Variants in SLC45A3 observed in about 807,000 individuals in gnomAD.
The protein encoded by SLC45A3 is prostate cancer associated protein 2.
A neutral mutation model predicts 35.3 loss-of-function variants in SLC45A3; 17 were observed. The ratio of observed to expected loss-of-function variants is 0.48; its 90% confidence interval spans 0.33 to 0.72. The LOEUF is 0.72. Ranked by LOEUF, SLC45A3 falls within the 30% of genes least tolerant of loss-of-function variation. The pLI is 0.02. For missense variants in SLC45A3, 597 were observed against 731.7 expected (o/e 0.82, Z 2.12); for synonymous variants, 288 against 334.3 (o/e 0.86, Z 1.51).
Position 205,659,116 on chromosome 1 carries a change from A to C in SLC45A3, c.*118T>G, listed in dbSNP as rs1670971025. The C allele has an allele frequency of 1.8e-6, 2 of 1,083,558 alleles. No homozygotes were observed. Among genetic ancestry groups the C allele is most frequent in the East Asian group, 2.5e-5 (1 of 40,650 alleles). The allele number at this position is 1,083,558 out of a possible 1,614,324, so 67.1% of individuals were successfully genotyped here. The stretch of plus-strand genomic sequence containing the variant: ...CAGCACAGGGTGGCAGCAGAGAGCC[A>C]CATTACTTTGGCAGCAACAGAAACT... On this transcript the variant is annotated 3_prime_UTR_variant, in exon 5 of 5. Coordinates refer to ENST00000367145, the MANE Select transcript of SLC45A3 (RefSeq NM_033102.3). This position sits in a 1 kb window ranked among gnomAD's most constrained non-coding sequence, Gnocchi z 5.8.
At chr1:205,661,201 G>A (rs1289997337) in intron 4 of SLC45A3, among the ~76,000 whole-genome samples, 1 of 152,124 alleles carries the variant, frequency 6.6e-6, no homozygotes, top group Non-Finnish European at 1.5e-5. Context: ...GTTAGTGTAG[G>A]GCCAACCAAG....
Position 205,669,869 on chromosome 1 carries a change from C to T in SLC45A3, c.-230-4983G>A, listed in dbSNP as rs1367726152. Among the ~76,000 whole-genome samples the T allele has an allele frequency of 1.3e-5, 2 of 151,908 alleles. No homozygotes were observed. The highest frequency in any genetic ancestry group is 2.9e-5 in the Non-Finnish European group (2 of 67,878). ...TGGGCCAACCTCCCGGACACACACC[C>T]CACCAAGGCTGCCCTGCCCCAGGTC... On this transcript the variant is annotated intron_variant, in intron 1 of 4. Coordinates refer to ENST00000367145, the MANE Select transcript of SLC45A3 (RefSeq NM_033102.3). This position sits in a 1 kb window ranked among gnomAD's most constrained non-coding sequence, Gnocchi z 4.1.
Position 205,659,359 on chromosome 1 carries a change from T to C in SLC45A3, c.1537A>G (p.Ile513Val). ...GTGACAGACTGGCTGAGCTGGACAA[T>C]GGAGCCCATAAACAGGGATGGGGCC... Reference protein sequence around the residue: ...QVAPSLFMGSIVQLSQSVTAY... With the variant: ...QVAPSLFMGSVVQLSQSVTAY... The change falls in exon 5 of 5, where the codon ATT (isoleucine) becomes GTT (valine). Residue 513 changes from isoleucine to valine, a missense_variant. Around this residue, in one of 3 missense-constraint regions of SLC45A3, gnomAD observed 555 missense variants for 664.9 expected, o/e 0.83. Transcript: ENST00000367145. This position sits in a 1 kb window ranked among gnomAD's most constrained non-coding sequence, Gnocchi z 5.8. The C allele has an allele frequency of 6.2e-7, 1 of 1,614,104 alleles. No individual in the cohort carries two copies. Among genetic ancestry groups the C allele is most frequent in the Non-Finnish European group, 8.5e-7 (1 of 1,180,018 alleles).
rs774562064 is a variant in SLC45A3, at chr1:205,661,957, G to A, written c.1128C>T (p.Ala376=). 27 of 1,614,046 alleles carry A rather than the reference G, an allele frequency of 1.7e-5. 1 individual carries two copies. The highest frequency in any genetic ancestry group is 4.5e-5 in the East Asian group (2 of 44,894). ...AGATCLSHSV[A]VVTASAALTG... is the part of the protein sequence containing the mutation. Reference sequence around the variant, plus strand: ...TGAGGGCGGCTGAAGCTGTCACCACGGCCACACTGTGGGACAGGCATGTGG... The same window carrying A: ...TGAGGGCGGCTGAAGCTGTCACCACAGCCACACTGTGGGACAGGCATGTGG... Residue 376 remains alanine (A), a synonymous_variant, in exon 4 of 5, where the codon GCC becomes GCT. Coordinates refer to ENST00000367145, the MANE Select transcript of SLC45A3 (RefSeq NM_033102.3).
rs200709431 is a variant in SLC45A3 at position 205,663,324 on chromosome 1, T to C, written c.467A>G (p.His156Arg). The change falls in exon 3 of 5, where the codon CAC becomes CGC. Residue 156 changes from histidine (H) to arginine (R), a missense_variant. Around this residue, in one of 3 missense-constraint regions of SLC45A3, gnomAD observed 555 missense variants for 664.9 expected, o/e 0.83. Coordinates refer to ENST00000367145, the MANE Select transcript of SLC45A3 (RefSeq NM_033102.3). ...ATAGACAGAGTAGGCCTGGCGACAGTGGTCCGGGTCCCGGAAGAGGTCAGA... is the reference window on the plus strand; with the variant it reads ...ATAGACAGAGTAGGCCTGGCGACAGCGGTCCGGGTCCCGGAAGAGGTCAGA... Reference protein sequence around the residue: ...LLSDLFRDPDHCRQAYSVYAF... With the variant: ...LLSDLFRDPDRCRQAYSVYAF... 6.2e-7 allele frequency: 1 copy of C among 1,613,242 alleles called. No individual in the cohort carries two copies. The highest frequency in any genetic ancestry group is 2.2e-5 in the East Asian group (1 of 44,852).
intron 1 of SLC45A3, among the ~76,000 whole-genome samples, 192 bp downstream of exon 1, chr1:205,680,202 G>A (rs1470435890): frequency 1.3e-4 from 20 of 151,846 alleles, no homozygotes; most frequent in Non-Finnish European, 4.4e-5. Context: ...CACCCGCCCC[G>A]GCAGAGCGTG....
chr1:205,670,325 A>C (rs1224109389), intron 1 of SLC45A3, among the ~76,000 whole-genome samples: 1 of 152,126 alleles, frequency 6.6e-6, no homozygotes, highest in Non-Finnish European at 1.5e-5. Flanking sequence ...CAACCCACTC[A>C]GTCTTTGATT....
At position 205,659,648 on chromosome 1, in the gene SLC45A3, C is replaced by T. The variant is rs1234047084; in HGVS notation, c.1248G>A (p.Gly416=). 1.7e-5 allele frequency: 26 copies of T among 1,528,908 alleles called. No individual in the cohort carries two copies. The highest frequency in any genetic ancestry group is 2.3e-5 in the Non-Finnish European group (26 of 1,140,530). 94.7% of individuals were successfully genotyped at this position (1,528,908 alleles called of 1,614,324 possible). ...EKQVFLPKYR[G]DTGGASSEDS... ...CCTCACTGCTAGCACCTCCAGTGTC[C>T]CCTCGGTATTTGGGCAGGAACACCT... Residue 416 remains glycine (G), a synonymous_variant, in exon 5 of 5, where the codon GGG becomes GGA. Transcript: ENST00000367145. The surrounding 1 kb of genome is among the most constrained non-coding windows in gnomAD (Gnocchi z 5.8).
Position 205,659,182 on chromosome 1 carries a change from G to T in SLC45A3, c.*52C>A. 1.9e-6 allele frequency: 3 copies of T among 1,543,116 alleles called. No homozygotes were observed. The highest frequency in any genetic ancestry group is 2.6e-6 in the Non-Finnish European group (3 of 1,139,828). On this transcript the variant is annotated 3_prime_UTR_variant, in exon 5 of 5. Transcript: ENST00000367145. This position sits in a 1 kb window ranked among gnomAD's most constrained non-coding sequence, Gnocchi z 5.8. ...AGCCCCATGGGGCTAACAGGAGCGG[G>T]GAGCTGGGACCCAGTGAGGCAGGCC... is the stretch of plus-strand genomic sequence containing the variant.
intron 1 of SLC45A3, among the ~76,000 whole-genome samples, chr1:205,677,639 C>T (rs1671333474): frequency 6.6e-6 from 1 of 152,146 alleles, no homozygotes; most frequent in South Asian, 2.1e-4. Flanking sequence ...GACCTTGCTA[C>T]CAAAGAAATA....
Position 205,664,950 on chromosome 1 carries a change from T to G in SLC45A3, c.-230-64A>C. On this transcript the variant is annotated intron_variant, in intron 1 of 4. Coordinates refer to ENST00000367145, the MANE Select transcript of SLC45A3 (RefSeq NM_033102.3). This position sits in a 1 kb window ranked among gnomAD's most constrained non-coding sequence, Gnocchi z 5.3. Reference sequence around the variant, plus strand: ...AGTCCTGGGAGCCAGGTCTCCACGATTTGCTCTAAATTGTCTGGATCCTGA... The same window carrying G: ...AGTCCTGGGAGCCAGGTCTCCACGAGTTGCTCTAAATTGTCTGGATCCTGA... 1.6e-6 allele frequency: 2 copies of G among 1,240,356 alleles called. No homozygotes were observed. The highest frequency in any genetic ancestry group is 2.0e-6 in the Non-Finnish European group (2 of 988,374). 76.8% of individuals were successfully genotyped at this position (1,240,356 alleles called of 1,614,324 possible). A position where few individuals can be genotyped will look rare whatever the true frequency, so the allele number is the denominator to read the frequency against.
chr1:205,668,143 T>C (rs780776214), intron 1 of SLC45A3, among the ~76,000 whole-genome samples: 3 of 152,092 alleles, frequency 2.0e-5, no homozygotes, highest in Admixed American at 1.3e-4. Flanking sequence ...CAGCCCGGAA[T>C]TGCCTGAGAA....
In SLC45A3 at chr1:205,664,557, C is replaced by T. The variant is rs149769508; in HGVS notation, c.100G>A (p.Ala34Thr). The T allele has an allele frequency of 3.4e-4, 553 of 1,614,238 alleles. No individual in the cohort carries two copies. Among genetic ancestry groups the T allele is most frequent in the Non-Finnish European group, 4.2e-4 (494 of 1,180,036 alleles). Residue 34 changes from alanine to threonine, a missense_variant, in exon 2 of 5, where the codon GCA (alanine) becomes ACA (threonine). Around this residue, in one of 3 missense-constraint regions of SLC45A3, gnomAD observed 37 missense variants for 41.1 expected, o/e 0.90. Coordinates refer to ENST00000367145, the MANE Select transcript of SLC45A3 (RefSeq NM_033102.3). This position sits in a 1 kb window ranked among gnomAD's most constrained non-coding sequence, Gnocchi z 5.3. ...AGAGGCGGCACATAGGTGATGCCTG[C>T]GGCCAAACACACCTCCAGGCCAAAG... is the stretch of plus-strand genomic sequence containing the variant. Reference protein sequence around the residue: ...LTFGLEVCLAAGITYVPPLLL... With the variant: ...LTFGLEVCLATGITYVPPLLL...
chr1:205,674,128 G>A (rs1429379556), intron 1 of SLC45A3, among the ~76,000 whole-genome samples: 1 of 151,028 alleles, frequency 6.6e-6, no homozygotes, highest in Non-Finnish European at 1.5e-5. Flanking sequence ...GGCACATGCA[G>A]TTCTTCCAGG....
At chr1:205,672,361 G>A (rs970365986) in intron 1 of SLC45A3, among the ~76,000 whole-genome samples, 1 of 152,204 alleles carries the variant, frequency 6.6e-6, no homozygotes, top group Non-Finnish European at 1.5e-5. Context: ...CTGGAGGAAG[G>A]CTGAGAAGGG....
rs750432341 is a variant in SLC45A3 at position 205,663,639 on chromosome 1, T to A, written c.173-21A>T. ...AATGCCTGCAAGAAGGGAAGTAGTA[T>A]GAGTCAATGGCTGGGACAAGTAAAG... On this transcript the variant is annotated intron_variant, in intron 2 of 4. Coordinates refer to ENST00000367145, the MANE Select transcript of SLC45A3 (RefSeq NM_033102.3). 3 of 1,541,198 alleles carry A rather than the reference T, an allele frequency of 1.9e-6. No individual in the cohort carries two copies. In the African/African-American group the frequency reaches 4.1e-5, roughly 21 times the overall value.
intron 1 of SLC45A3, among the ~76,000 whole-genome samples, chr1:205,671,382 T>C (rs947674528): frequency 1.3e-5 from 2 of 152,258 alleles, no homozygotes; most frequent in South Asian, 2.1e-4. Context: ...AACCTGGAGC[T>C]CTCTTCCACC....
At chr1:205,661,560 C>T (rs1210568694) in intron 4 of SLC45A3, among the ~76,000 whole-genome samples, 1 of 152,168 alleles carries the variant, frequency 6.6e-6, no homozygotes, top group Non-Finnish European at 1.5e-5. Flanking sequence ...AACAACCAGC[C>T]TAGAAGCCTA....
rs1414309590 is a variant in SLC45A3, at chr1:205,664,046, G to A, written c.173-428C>T. On this transcript the variant is annotated intron_variant, in intron 2 of 4. Transcript: ENST00000367145. The surrounding 1 kb of genome is among the most constrained non-coding windows in gnomAD (Gnocchi z 5.3). ...TGTCCTAGGGGTAGGAGCAAGCTCC[G>A]GCTGGGAGACCTTGATGGAGTCCCA... Among the ~76,000 whole-genome samples the A allele has an allele frequency of 6.6e-6, 1 of 152,124 alleles. No individual in the cohort carries two copies. Among genetic ancestry groups the A allele is most frequent in the Non-Finnish European group, 1.5e-5 (1 of 68,024 alleles).
Sources: gnomAD v4.1 joint callset for allele counts (sites outside exome capture counted in the v4.1 genomes callset) on GRCh38, gnomAD v4.1.1 for gene constraint, gnomAD v4.1.1 regional missense constraint, Gnocchi (gnomAD v3.1) non-coding constraint, MANE v1.5 for transcripts, NCBI Gene and HGNC (gene_info 2026-07-23, HGNC 2026-07-21) for gene names.